The following CNTN5 variants were observed in gnomAD, a reference collection of about 807,000 sequenced individuals.
CNTN5 encodes contactin-5.
A neutral mutation model predicts 129.1 loss-of-function variants in CNTN5; 77 were observed. The ratio of observed to expected loss-of-function variants is 0.60; its 90% CI spans 0.50 to 0.72. The LOEUF is 0.72. Ranked by LOEUF, CNTN5 falls within the 30% of genes least tolerant of loss-of-function variation. The pLI, the probability that CNTN5 is intolerant of heterozygous loss-of-function variation, is 0.00. For synonymous variants in CNTN5, 509 were observed against 465.6 expected, an observed-to-expected ratio of 1.09 and a Z score of -1.20; for missense variants, 1,478 against 1,328.8, an observed-to-expected ratio of 1.11 and a Z score of -1.75.
intron 1 of CNTN5, among the ~76,000 whole-genome samples, chr11:99,195,211 A>G (rs1477396921): frequency 3.3e-5 from 5 of 152,166 alleles, no homozygotes; most frequent in Admixed American, 2.0e-4. Context: ...AGGTAAAAAT[A>G]TATCTCATTC....
At chr11:99,705,165 T>C (rs923890975) in intron 3 of CNTN5, among the ~76,000 whole-genome samples, 1 of 151,354 alleles carries the variant, frequency 6.6e-6, no homozygotes, top group Non-Finnish European at 1.5e-5. Context: ...CATATTCTTA[T>C]TCTGTCCTCT....
At chr11:99,200,816 A>G (rs1339173204) in intron 1 of CNTN5, among the ~76,000 whole-genome samples, 1 of 152,064 alleles carries the variant, frequency 6.6e-6, no homozygotes, top group African/African-American at 2.4e-5. Flanking sequence ...CCAGAGGCCC[A>G]CAGAGGTGAT....
At chr11:100,033,979 C>T (rs1941854384) in intron 9 of CNTN5, among the ~76,000 whole-genome samples, 1 of 152,186 alleles carries the variant, frequency 6.6e-6, no homozygotes, top group East Asian at 1.9e-4. Context: ...AAAAAAAAGA[C>T]ATTTCTATCT....
At chr11:99,044,522 C>T (rs1220317004) in intron 1 of CNTN5, among the ~76,000 whole-genome samples, 1 of 152,126 alleles carries the variant, frequency 6.6e-6, no homozygotes, top group Admixed American at 6.6e-5. Context: ...CCACTCCAAC[C>T]TACAAGTATA....
At chr11:99,966,680 G>C (rs1349688136) in intron 8 of CNTN5, among the ~76,000 whole-genome samples, 1 of 152,204 alleles carries the variant, frequency 6.6e-6, no homozygotes, top group African/African-American at 2.4e-5. Flanking sequence ...TGTTGAACTA[G>C]CACACAAGAA....
intron 3 of CNTN5, among the ~76,000 whole-genome samples, chr11:99,586,079 T>A (rs1949783135): frequency 6.6e-6 from 1 of 152,168 alleles, no homozygotes. Context: ...TTTCATTCAT[T>A]TAATTAAATC....
intron 2 of CNTN5, among the ~76,000 whole-genome samples, chr11:99,522,960 C>T (rs1486060348): frequency 1.3e-5 from 2 of 152,168 alleles, no homozygotes; most frequent in African/African-American, 4.8e-5. Context: ...TCCCTGTACA[C>T]ACACTAAATT....
intron 2 of CNTN5, among the ~76,000 whole-genome samples, chr11:99,371,353 A>G (rs1939811042): frequency 1.3e-5 from 2 of 152,050 alleles, no homozygotes; most frequent in Admixed American, 1.3e-4. Context: ...TAAGTCCCTG[A>G]AATAATTATA....
In CNTN5 at chr11:100,358,022, G is replaced by A. The variant is rs1174555988; in HGVS notation, c.*1802G>A. On this transcript the variant is annotated 3_prime_UTR_variant, in exon 25 of 25. Coordinates refer to ENST00000524871, the MANE Select transcript of CNTN5 (RefSeq NM_014361.4). ...CTTTCTTGAACGCCTCCTTTAAAGTGGGAGAGGCTGGACTTTGCAAAAACA... is the reference window on the plus strand; with the variant it reads ...CTTTCTTGAACGCCTCCTTTAAAGTAGGAGAGGCTGGACTTTGCAAAAACA... 4 of 151,834 alleles carry A rather than the reference G, an allele frequency of 2.6e-5. No homozygotes were observed. Among genetic ancestry groups the A allele is most frequent in the South Asian group, 4.1e-4 (2 of 4,822 alleles). The allele number at this position is 151,834 out of a possible 1,614,324, so 9.4% of individuals were successfully genotyped here. A position where few individuals can be genotyped will look rare whatever the true frequency, so the allele number is the denominator to read the frequency against.
At chr11:99,241,029 C>T (rs938109216) in intron 1 of CNTN5, among the ~76,000 whole-genome samples, 3 of 152,152 alleles carry the variant, frequency 2.0e-5, no homozygotes, top group Non-Finnish European at 4.4e-5. Flanking sequence ...TATAAATACA[C>T]ACAATTCGAG....
chr11:100,061,354 C>T lies in CNTN5; in HGVS notation c.1123C>T (p.Arg375Cys), dbSNP rs767026275. 2.5e-6 allele frequency: 4 copies of T among 1,599,684 alleles called. No individual in the cohort carries two copies. The highest frequency in any genetic ancestry group is 2.6e-6 in the Non-Finnish European group (3 of 1,169,370). ...TTATGAGTGCAGAGCTGAAAACTCA[C>T]GTGGAAAAAATTCCTTTCGTGGACA... ...GIYECRAENS[R>C]GKNSFRGQLQ... Residue 375 changes from arginine (R) to cysteine (C), a missense_variant, in exon 10 of 25, where the codon CGT becomes TGT. Coordinates refer to ENST00000524871, the MANE Select transcript of CNTN5 (RefSeq NM_014361.4).
intron 4 of CNTN5, among the ~76,000 whole-genome samples, chr11:99,829,095 G>T (rs1947058665): frequency 6.6e-6 from 1 of 152,084 alleles, no homozygotes; most frequent in East Asian, 1.9e-4. Flanking sequence ...GGAAGCTTTT[G>T]GTTATATTTT....
intron 13 of CNTN5, among the ~76,000 whole-genome samples, chr11:100,098,275 CT>C (rs1945084452): frequency 6.6e-6 from 1 of 151,930 alleles, no homozygotes; most frequent in Admixed American, 6.6e-5. Context: ...TATTATTCAT[CT>C]TTTGTTGTAT....
chr11:99,546,487 TAA>T (rs1948296074), intron 2 of CNTN5, among the ~76,000 whole-genome samples: 1 of 152,142 alleles, frequency 6.6e-6, no homozygotes, highest in African/African-American at 2.4e-5. Context: ...TTAGTTGTTA[TAA>T]AGAGTTACAG....
At chr11:99,411,533 T>G (rs1007442830) in intron 2 of CNTN5, among the ~76,000 whole-genome samples, 1 of 150,498 alleles carries the variant, frequency 6.6e-6, no homozygotes, top group African/African-American at 2.4e-5. Flanking sequence ...AATAAATAAA[T>G]AAATACAAAA....
At chr11:99,702,518 A>G (rs879494900) in intron 3 of CNTN5, among the ~76,000 whole-genome samples, 2 of 151,000 alleles carry the variant, frequency 1.3e-5, no homozygotes, top group East Asian at 1.9e-4. Context: ...TGTAATTATT[A>G]TCATAATCAG....
At chr11:100,336,766 A>C (rs1952045617) in intron 21 of CNTN5, 1 of 276,252 alleles carries the variant, frequency 3.6e-6, no homozygotes. Context: ...AAGTAGCTAG[A>C]GCGGTACGGC....
At chr11:99,842,765 A>G (rs1947553127) in intron 4 of CNTN5, among the ~76,000 whole-genome samples, 1 of 152,082 alleles carries the variant, frequency 6.6e-6, no homozygotes, top group Non-Finnish European at 1.5e-5. Flanking sequence ...TTTTTTATAA[A>G]CTCATAATGC....
At chr11:100,000,715 T>C (rs1330216316) in intron 8 of CNTN5, among the ~76,000 whole-genome samples, 5 of 152,208 alleles carry the variant, frequency 3.3e-5, no homozygotes, top group Admixed American at 3.3e-4. Context: ...TTAGGGATCT[T>C]TCCCTGCAGC....
Sources: gnomAD v4.1 joint callset for allele counts (sites outside exome capture counted in the v4.1 genomes callset) on GRCh38, gnomAD v4.1.1 for gene constraint, MANE v1.5 for transcripts, NCBI Gene and HGNC (gene_info 2026-07-23, HGNC 2026-07-21) for gene names.